The following SCHIP1 variants were observed in gnomAD, a reference collection of about 807,000 sequenced individuals.
The protein encoded by SCHIP1 is schwannomin-interacting protein 1.
SCHIP1 carries 8 observed loss-of-function variants against 29.7 expected under a neutral mutation model. The ratio of observed to expected loss-of-function variants is 0.27; its 90% confidence interval spans 0.16 to 0.49. SCHIP1 has a LOEUF of 0.49. Among genes scored for constraint, SCHIP1 ranks in the 20% least tolerant of loss-of-function variants. SCHIP1 has a pLI of 0.99. For synonymous variants in SCHIP1, 76 were observed against 94.9 expected (o/e 0.80, Z 1.16); for missense variants, 193 against 294.6 (o/e 0.66, Z 2.52).
the SCHIP1 span, among the ~76,000 whole-genome samples, chr3:159,348,071 A>G: frequency 6.6e-6 from 1 of 152,190 alleles, no homozygotes; most frequent in Non-Finnish European, 1.5e-5. Context: ...AAGTTTTTGT[A>G]ATGTAGTGAA....
intron 2 of SCHIP1, among the ~76,000 whole-genome samples, chr3:159,871,416 C>G (rs920586296): frequency 7.1e-6 from 1 of 141,044 alleles, no homozygotes; most frequent in East Asian, 2.0e-4. Flanking sequence ...ATACTTTGTT[C>G]TGTCTTTCTC....
the SCHIP1 span, among the ~76,000 whole-genome samples, chr3:159,327,051 A>T: frequency 1.3e-5 from 2 of 152,246 alleles, no homozygotes; most frequent in Non-Finnish European, 2.9e-5. Context: ...ATTTATAATC[A>T]TGAAGGTTTT....
At chr3:159,315,930 G>C in the SCHIP1 span, among the ~76,000 whole-genome samples, 7 of 136,822 alleles carry the variant, frequency 5.1e-5, no homozygotes, top group Non-Finnish European at 8.5e-5. Context: ...TGTCGGGGAG[G>C]GGGTAGGGGG....
chr3:159,526,994 T>C, the SCHIP1 span, among the ~76,000 whole-genome samples: 2 of 152,190 alleles, frequency 1.3e-5, no homozygotes, highest in African/African-American at 4.8e-5. Flanking sequence ...CATGTCACCA[T>C]GCTTCTGGGT....
chr3:159,573,236 G>T, the SCHIP1 span, among the ~76,000 whole-genome samples: 1 of 152,156 alleles, frequency 6.6e-6, no homozygotes, highest in Non-Finnish European at 1.5e-5. Flanking sequence ...GCATGTTTTT[G>T]CAGTGGCTGG....
the SCHIP1 span, among the ~76,000 whole-genome samples, chr3:159,829,404 A>T: frequency 2.0e-5 from 3 of 152,182 alleles, no homozygotes; most frequent in Non-Finnish European, 4.4e-5. Context: ...AAAAAATCAA[A>T]CTGGAAATTA....
chr3:159,477,386 T>C, the SCHIP1 span, among the ~76,000 whole-genome samples: 2 of 152,222 alleles, frequency 1.3e-5, no homozygotes, highest in Non-Finnish European at 2.9e-5. Flanking sequence ...GCTGTACTAA[T>C]TTACATTCCC....
the SCHIP1 span, among the ~76,000 whole-genome samples, chr3:159,786,375 A>G: frequency 6.6e-6 from 1 of 152,258 alleles, no homozygotes; most frequent in East Asian, 1.9e-4. Context: ...TCTTCAAAGT[A>G]TAATGAAATT....
At chr3:159,655,812 C>G in the SCHIP1 span, among the ~76,000 whole-genome samples, 1 of 152,144 alleles carries the variant, frequency 6.6e-6, no homozygotes, top group African/African-American at 2.4e-5. Flanking sequence ...TCCCTTGAAC[C>G]CAGGAGGCGG....
chr3:159,429,112 G>C, the SCHIP1 span, among the ~76,000 whole-genome samples: 2 of 151,356 alleles, frequency 1.3e-5, no homozygotes, highest in Non-Finnish European at 2.9e-5. Flanking sequence ...CGAGTTAGTG[G>C]GTGGAGCCAC....
the SCHIP1 span, among the ~76,000 whole-genome samples, chr3:159,440,877 A>T: frequency 6.6e-6 from 1 of 152,152 alleles, no homozygotes; most frequent in Non-Finnish European, 1.5e-5. Flanking sequence ...ACTAAAACTC[A>T]CTCTGATGGA....
the SCHIP1 span, among the ~76,000 whole-genome samples, chr3:159,828,459 A>ATACG: frequency 7.6e-6 from 1 of 132,286 alleles, no homozygotes; most frequent in African/African-American, 3.2e-5. Flanking sequence ...ATACGTATAT[A>ATACG]TATGTATATA....
At chr3:159,356,908 T>A in the SCHIP1 span, among the ~76,000 whole-genome samples, 3 of 152,214 alleles carry the variant, frequency 2.0e-5, no homozygotes, top group African/African-American at 7.2e-5. Context: ...AAATTATACT[T>A]CTCACAATGC....
At chr3:159,428,409 AG>A in the SCHIP1 span, among the ~76,000 whole-genome samples, 1 of 152,140 alleles carries the variant, frequency 6.6e-6, no homozygotes, top group African/African-American at 2.4e-5. Flanking sequence ...ATTTCTCAAA[AG>A]AAGACATTAA....
intron 6 of SCHIP1, chr3:159,892,469 C>T (rs576582908): frequency 2.0e-4 from 115 of 574,758 alleles, no homozygotes; most frequent in Non-Finnish European, 4.0e-5. Flanking sequence ...TTTTGGAGGA[C>T]TTTACCTTGA....
At chr3:159,619,937 T>C in the SCHIP1 span, among the ~76,000 whole-genome samples, 6 of 152,338 alleles carry the variant, frequency 3.9e-5, no homozygotes, top group African/African-American at 1.4e-4. Flanking sequence ...AGCAGTTCTT[T>C]ACCAAGTAGT....
At chr3:159,433,081 A>C in the SCHIP1 span, among the ~76,000 whole-genome samples, 1 of 152,156 alleles carries the variant, frequency 6.6e-6, no homozygotes, top group East Asian at 1.9e-4. Flanking sequence ...CCTTCAGCGC[A>C]CTTGGAAGGA....
intron 6 of SCHIP1, among the ~76,000 whole-genome samples, chr3:159,895,929 C>T (rs1175323311): frequency 6.6e-6 from 1 of 152,214 alleles, no homozygotes; most frequent in African/African-American, 2.4e-5. Context: ...CTCCTGACCT[C>T]AGGTGATCCA....
At chr3:159,866,321 G>A in intron 2 of SCHIP1, 40 bp downstream of exon 3, 1 of 1,550,344 alleles carries the variant, frequency 6.5e-7, no homozygotes, top group East Asian at 2.3e-5. Flanking sequence ...TATGTACACA[G>A]TGGATTCTGT....
Sources: allele counts gnomAD v4.1 joint callset (sites outside exome capture counted in the v4.1 genomes callset), GRCh38; gene constraint gnomAD v4.1.1; transcripts MANE v1.5; gene names NCBI Gene and HGNC (gene_info 2026-07-23, HGNC 2026-07-21).